FHOD3: variants seen among roughly 807,000 people sequenced by gnomAD.
FHOD3 encodes FH1/FH2 domain-containing protein 3.
A neutral mutation model predicts 173.0 loss-of-function variants in FHOD3; 90 were observed. That is an observed-to-expected ratio of 0.52 (90% CI 0.44 to 0.62). FHOD3 has a LOEUF of 0.62. Among genes scored for constraint, FHOD3 ranks in the 20% least tolerant of loss-of-function variants. The pLI is 0.00. For missense variants in FHOD3, 1,945 were observed against 2,034.7 expected (o/e 0.96, Z 0.85); for synonymous variants, 828 against 823.0 (o/e 1.01, Z -0.10).
chr18:36,698,238 G>T (rs2039395168), intron 17 of FHOD3, among the ~76,000 whole-genome samples: 7 of 152,170 alleles, frequency 4.6e-5, no homozygotes, highest in Admixed American at 3.9e-4. Flanking sequence ...CAAGGCTGAG[G>T]TCCTACCTGC....
At chr18:36,759,226 T>C (rs1230570513) in intron 26 of FHOD3, 85 bp downstream of exon 26, 1 of 1,396,762 alleles carries the variant, frequency 7.2e-7, no homozygotes, top group Non-Finnish European at 9.8e-7. Flanking sequence ...CAGCATGAAG[T>C]GTCAGCACCA....
At chr18:36,719,777 A>C (rs2040657883) in intron 19 of FHOD3, among the ~76,000 whole-genome samples, 1 of 152,192 alleles carries the variant, frequency 6.6e-6, no homozygotes, top group South Asian at 2.1e-4. Context: ...TCCTCAGAAC[A>C]AGTGAGCCCT....
intron 2 of FHOD3, among the ~76,000 whole-genome samples, chr18:36,365,519 G>A (rs1029266386): frequency 2.0e-5 from 3 of 151,990 alleles, no homozygotes; most frequent in Admixed American, 1.3e-4. Context: ...CTGAGTGTGG[G>A]GACACAGAGC....
At chr18:36,305,436 G>C in intron 1 of FHOD3, among the ~76,000 whole-genome samples, 1 of 152,168 alleles carries the variant, frequency 6.6e-6, no homozygotes, top group East Asian at 1.9e-4. Context: ...AAACAAATTA[G>C]TTTCTCTTTG....
chr18:36,408,121 T>A (rs8094086), intron 3 of FHOD3, among the ~76,000 whole-genome samples: 66,909 of 152,094 alleles, frequency 0.44, 15,184 homozygotes, highest in East Asian at 0.68. Context: ...CTTCTCCAGG[T>A]GCCACATTAG....
chr18:36,694,976 G>T (rs201546194), intron 17 of FHOD3, among the ~76,000 whole-genome samples: 10 of 149,244 alleles, frequency 6.7e-5, no homozygotes, highest in East Asian at 2.0e-4. Flanking sequence ...TGTATACGTG[G>T]GTGTGTGTGT....
At chr18:36,390,779 C>A (rs531976995) in intron 3 of FHOD3, among the ~76,000 whole-genome samples, 1 of 152,088 alleles carries the variant, frequency 6.6e-6, no homozygotes, top group East Asian at 1.9e-4. Flanking sequence ...GGTCCTGTTA[C>A]GCCTGGAGTG....
intron 3 of FHOD3, among the ~76,000 whole-genome samples, chr18:36,413,284 C>T (rs780839846): frequency 1.3e-5 from 2 of 152,218 alleles, no homozygotes; most frequent in Non-Finnish European, 2.9e-5. Context: ...GTGCGCAGCT[C>T]AGCCTTGCCT....
intron 18 of FHOD3, among the ~76,000 whole-genome samples, chr18:36,715,544 C>CA (rs1568657575): frequency 1.8e-4 from 27 of 151,978 alleles, no homozygotes; most frequent in African/African-American, 6.5e-4. Context: ...CTGATCATTC[C>CA]TTCATTCATT....
rs561911083 is a variant in FHOD3 at position 36,617,830 on chromosome 18, G to C, written c.957+5735G>C. 5.3e-5 allele frequency among the ~76,000 whole-genome samples: 8 copies of C among 151,998 alleles called. No homozygotes were observed. In the East Asian group the frequency reaches 1.5e-3, roughly 29 times the overall value. On this transcript the variant is annotated intron_variant, in intron 9 of 28. Coordinates refer to ENST00000590592, the MANE Select transcript of FHOD3 (RefSeq NM_001281740.3). ...TGAGGACAGTGAGGGAAGATTTTTG[G>C]TAACTATATTTTTTTCTATGGAAAC...
At chr18:36,564,759 C>T (rs2058206303) in intron 5 of FHOD3, among the ~76,000 whole-genome samples, 1 of 152,152 alleles carries the variant, frequency 6.6e-6, no homozygotes. Context: ...TTGAGAGTTA[C>T]TAAGAGTTAA....
intron 28 of FHOD3, among the ~76,000 whole-genome samples, chr18:36,770,917 G>A (rs577017982): frequency 3.9e-5 from 6 of 152,174 alleles, no homozygotes; most frequent in East Asian, 1.9e-4. Flanking sequence ...TCTCCACTAC[G>A]TTTATTTCAT....
chr18:36,737,531 C>T (rs887317619), intron 20 of FHOD3, among the ~76,000 whole-genome samples: 2 of 152,186 alleles, frequency 1.3e-5, no homozygotes, highest in African/African-American at 4.8e-5. Flanking sequence ...CCACCTATCT[C>T]TCCAGATGCT....
At chr18:36,600,285 ACACATATG>A (rs1183271853) in intron 7 of FHOD3, among the ~76,000 whole-genome samples, 1 of 151,516 alleles carries the variant, frequency 6.6e-6, no homozygotes. Flanking sequence ...ACACACACAC[ACACATATG>A]CACACATACA....
intron 10 of FHOD3, among the ~76,000 whole-genome samples, chr18:36,628,665 T>A (rs531370017): frequency 6.6e-6 from 1 of 152,344 alleles, no homozygotes; most frequent in Admixed American, 6.5e-5. Context: ...TGTGTCATAA[T>A]GAGTTTCATC....
intron 3 of FHOD3, among the ~76,000 whole-genome samples, chr18:36,446,183 G>A (rs1178575007): frequency 6.6e-6 from 1 of 152,174 alleles, no homozygotes; most frequent in Non-Finnish European, 1.5e-5. Flanking sequence ...ACCAGACCTC[G>A]TGGTAGGCTG....
intron 3 of FHOD3, among the ~76,000 whole-genome samples, chr18:36,439,088 T>C (rs1253670794): frequency 2.0e-5 from 3 of 152,080 alleles, no homozygotes; most frequent in African/African-American, 7.2e-5. Flanking sequence ...CAGGAGATGC[T>C]AAATGGGAAA....
At chr18:36,484,465 G>A (rs920196318) in intron 3 of FHOD3, among the ~76,000 whole-genome samples, 1 of 152,032 alleles carries the variant, frequency 6.6e-6, no homozygotes, top group Admixed American at 6.6e-5. Context: ...GGCTGACTTT[G>A]CTTAAATATT....
intron 19 of FHOD3, among the ~76,000 whole-genome samples, chr18:36,723,751 C>G (rs1291041606): frequency 6.6e-6 from 1 of 152,200 alleles, no homozygotes; most frequent in Non-Finnish European, 1.5e-5. Flanking sequence ...AGTCCTCAGC[C>G]CAGTGTCTAT....
Sources: gnomAD v4.1 joint callset for allele counts (sites outside exome capture counted in the v4.1 genomes callset) on GRCh38, gnomAD v4.1.1 for gene constraint, MANE v1.5 for transcripts, NCBI Gene and HGNC (gene_info 2026-07-23, HGNC 2026-07-21) for gene names.